Variants in RSL24D1 observed in about 807,000 individuals in gnomAD.
RSL24D1 encodes probable ribosome biogenesis protein RLP24.
A neutral mutation model predicts 26.2 loss-of-function variants in RSL24D1; 6 were observed. The ratio of observed to expected loss-of-function variants is 0.23; its 90% CI spans 0.13 to 0.45. The LOEUF (loss-of-function observed/expected upper bound fraction) is 0.45. Ranked by LOEUF, RSL24D1 falls within the 20% of genes least tolerant of loss-of-function variation. The probability of loss-of-function intolerance (pLI) is 0.99; values close to 1 mark genes in which losing one functional copy is unlikely to be tolerated. For missense variants in RSL24D1, 176 were observed against 202.6 expected (o/e 0.87, Z 0.80); for synonymous variants, 61 against 59.1 (o/e 1.03, Z -0.15).
At chr15:55,191,139 T>A in intron 2 of RSL24D1, 92 bp from the exon 3 acceptor site, 1 of 848,322 alleles carries the variant, frequency 1.2e-6, no homozygotes, top group Non-Finnish European at 1.8e-6. Flanking sequence ...CTAAGTGTTC[T>A]AAATGAACAT....
intron 3 of RSL24D1, among the ~76,000 whole-genome samples, chr15:55,185,639 T>C (rs1193794635): frequency 6.6e-6 from 1 of 152,224 alleles, no homozygotes; most frequent in Non-Finnish European, 1.5e-5. Flanking sequence ...ATCATTTCTC[T>C]AATTTTTATC....
chr15:55,185,454 G>C (rs369404552), intron 3 of RSL24D1, 29 bp from the exon 4 acceptor site: 14 of 1,534,964 alleles, frequency 9.1e-6, no homozygotes, highest in East Asian at 4.5e-5. Flanking sequence ...GTTAGCAAAT[G>C]TATGCACATT....
intron 1 of RSL24D1, 133 bp from the exon 2 acceptor site, chr15:55,192,966 T>C: frequency 1.7e-6 from 1 of 582,950 alleles, no homozygotes; most frequent in Non-Finnish European, 3.1e-6. Flanking sequence ...ATATATCAGA[T>C]TAAATGGAAA....
chr15:55,192,995 C>T (rs1255618044), intron 1 of RSL24D1, among the ~76,000 whole-genome samples, 162 bp from the exon 2 acceptor site: 2 of 152,138 alleles, frequency 1.3e-5, no homozygotes, highest in Non-Finnish European at 2.9e-5. Context: ...TTTTGACTAT[C>T]AAACATCATC....
chr15:55,182,856 C>T (rs1011347498), intron 5 of RSL24D1, among the ~76,000 whole-genome samples: 40 of 152,198 alleles, frequency 2.6e-4, no homozygotes, highest in African/African-American at 8.9e-4. Flanking sequence ...CTGGTGTTAG[C>T]TGAGCAAAAG....
chr15:55,196,042 C>A (rs535955190), intron 1 of RSL24D1, among the ~76,000 whole-genome samples: 4 of 152,150 alleles, frequency 2.6e-5, no homozygotes, highest in Non-Finnish European at 5.9e-5. Context: ...AAGAGAGGAA[C>A]GGGATTCATT....
intron 3 of RSL24D1, among the ~76,000 whole-genome samples, chr15:55,187,542 C>T (rs1036066179): frequency 6.6e-6 from 1 of 152,120 alleles, no homozygotes; most frequent in Admixed American, 6.5e-5. Flanking sequence ...GGTATTTATA[C>T]ATGATGGAAT....
At chr15:55,194,746 G>A (rs1190030848) in intron 1 of RSL24D1, among the ~76,000 whole-genome samples, 7 of 151,814 alleles carry the variant, frequency 4.6e-5, no homozygotes, top group Non-Finnish European at 8.8e-5. Context: ...CAGAAACTAA[G>A]AGAATAAAGG....
At chr15:55,185,471 G>C (rs763326609) in intron 3 of RSL24D1, 46 bp from the exon 4 acceptor site, 2 of 1,368,880 alleles carry the variant, frequency 1.5e-6, no homozygotes, top group Admixed American at 4.0e-5. Flanking sequence ...CATTCAAGCG[G>C]TATGATCAAC....
At chr15:55,188,294 G>A (rs1351410210) in intron 3 of RSL24D1, among the ~76,000 whole-genome samples, 1 of 152,144 alleles carries the variant, frequency 6.6e-6, no homozygotes, top group African/African-American at 2.4e-5. Context: ...AAATTCCAAA[G>A]ACTCTCATAC....
chr15:55,182,310 C>A, intron 5 of RSL24D1, 85 bp from the exon 6 acceptor site: 1 of 874,094 alleles, frequency 1.1e-6, no homozygotes, highest in South Asian at 1.5e-5. Context: ...AAGGATCTTG[C>A]ATGTTTTCAA....
Position 55,184,408 on chromosome 15 carries a change from G to GT in RSL24D1, c.332+953dup. On this transcript the variant is annotated intron_variant, in intron 4 of 5. Transcript: ENST00000260443. ...TAAGAATCCATGAATACACACAGAT[G>GT]TAATATGAATAAAGGAATAAATCTT... 2.0e-5 allele frequency among the ~76,000 whole-genome samples: 3 copies of GT among 152,244 alleles called. 1 individual carries two copies. In the South Asian group the frequency reaches 6.2e-4, roughly 32 times the overall value.
intron 3 of RSL24D1, among the ~76,000 whole-genome samples, chr15:55,189,062 G>A (rs139083401): frequency 2.1e-4 from 32 of 152,062 alleles, no homozygotes; most frequent in African/African-American, 7.2e-4. Context: ...GCGTGGCGGC[G>A]TGTGCCTGTA....
chr15:55,188,919 C>T (rs777801010), intron 3 of RSL24D1, among the ~76,000 whole-genome samples: 8 of 152,138 alleles, frequency 5.3e-5, no homozygotes, highest in African/African-American at 1.9e-4. Context: ...TGGCCAAGTG[C>T]GGAGGCTCAC....
At chr15:55,190,394 A>AAAAAC (rs566227560) in intron 3 of RSL24D1, among the ~76,000 whole-genome samples, 3 of 150,470 alleles carry the variant, frequency 2.0e-5, no homozygotes, top group Non-Finnish European at 3.0e-5. Flanking sequence ...TTCAGGGAAA[A>AAAAAC]AAAACAAAAC....
rs980692705 is a variant in RSL24D1, at chr15:55,181,494, G to C, written c.*658C>G. On this transcript the variant is annotated 3_prime_UTR_variant, in exon 6 of 6. Transcript: ENST00000260443. Reference sequence around the variant, plus strand: ...AGAAAAGTAAAGTCTGTTCTATCAGGAATCACAAGTTGGAACTGAGTATTC... The same window carrying C: ...AGAAAAGTAAAGTCTGTTCTATCAGCAATCACAAGTTGGAACTGAGTATTC... 4 of 152,654 alleles carry C rather than the reference G, an allele frequency of 2.6e-5. No individual in the cohort carries two copies. The highest frequency in any genetic ancestry group is 9.6e-5 in the African/African-American group (4 of 41,550). The allele number at this position is 152,654 out of a possible 1,614,324, so 9.5% of individuals were successfully genotyped here.
In RSL24D1 at chr15:55,196,846, A is replaced by ACTG; in HGVS notation, c.44_45insCAG (p.Pro15_Gly16insSer). 6.2e-7 allele frequency: 1 copy of ACTG among 1,614,186 alleles called. No individual in the cohort carries two copies. Among genetic ancestry groups the ACTG allele is most frequent in the Non-Finnish European group, 8.5e-7 (1 of 1,180,030 alleles). On this transcript the variant is annotated inframe_insertion, in exon 1 of 6. Transcript: ENST00000260443. Reference sequence around the variant, plus strand: ...TGCGGACGAACATCATGCCGTGTCCAGGATAGATGGGCCCCGAACAGAAAT... The same window carrying ACTG: ...TGCGGACGAACATCATGCCGTGTCCACTGGGATAGATGGGCCCCGAACAGAAAT...
At chr15:55,191,084 T>A (rs1595653374) in intron 2 of RSL24D1, 37 bp from the exon 3 acceptor site, 1 of 1,414,856 alleles carries the variant, frequency 7.1e-7, no homozygotes, top group East Asian at 2.3e-5. Context: ...AATAAGGTTT[T>A]AAGAAAGGTA....
intron 3 of RSL24D1, among the ~76,000 whole-genome samples, chr15:55,190,398 AC>A (rs928940645): frequency 6.7e-6 from 1 of 148,950 alleles, no homozygotes; most frequent in African/African-American, 2.5e-5. Context: ...GGGAAAAAAA[AC>A]AAAACAAAAC....
Sources: gnomAD v4.1 joint callset for allele counts (sites outside exome capture counted in the v4.1 genomes callset) on GRCh38, gnomAD v4.1.1 for gene constraint, MANE v1.5 for transcripts, NCBI Gene and HGNC (gene_info 2026-07-23, HGNC 2026-07-21) for gene names.